PHACTR3: variants seen among roughly 807,000 people sequenced by gnomAD.
The protein encoded by PHACTR3 is protein phosphatase 1, regulatory subunit 123.
In PHACTR3, 16 loss-of-function variants were observed where a neutral mutation model predicts 66.8. The observed-to-expected ratio is 0.24, with a 90% CI of 0.16 to 0.36. PHACTR3 has a LOEUF of 0.36. Ranked by LOEUF, PHACTR3 falls within the 10% of genes least tolerant of loss-of-function variation. The pLI, the probability that PHACTR3 is intolerant of heterozygous loss-of-function variation, is 1.00. For synonymous variants in PHACTR3, 323 were observed against 292.1 expected, an observed-to-expected ratio of 1.11 and a Z score of -1.08; for missense variants, 647 against 719.9, an observed-to-expected ratio of 0.90 and a Z score of 1.16.
intron 5 of PHACTR3, among the ~76,000 whole-genome samples, chr20:59,769,610 T>C (rs1321404296): frequency 6.6e-6 from 1 of 152,186 alleles, no homozygotes; most frequent in Non-Finnish European, 1.5e-5. Flanking sequence ...ATGGTTTGCC[T>C]CTCTCTAACC....
chr20:59,805,949 G>C, intron 7 of PHACTR3, 92 bp from the exon 8 acceptor site: 1 of 1,381,210 alleles, frequency 7.2e-7, no homozygotes, highest in East Asian at 2.3e-5. Flanking sequence ...CCTTCCTCTG[G>C]CAGGTGGGCG....
At chr20:59,677,542 A>G (rs952916802) in intron 1 of PHACTR3, among the ~76,000 whole-genome samples, 2 of 152,238 alleles carry the variant, frequency 1.3e-5, no homozygotes, top group African/African-American at 4.8e-5. Context: ...TCTTGGAAGC[A>G]ACATTGGTTT....
chr20:59,720,183 G>A (rs190826044), intron 1 of PHACTR3, among the ~76,000 whole-genome samples: 29 of 152,286 alleles, frequency 1.9e-4, no homozygotes, highest in Non-Finnish European at 3.5e-4. Context: ...TCTCGAGCAG[G>A]CTAGCATATC....
intron 1 of PHACTR3, among the ~76,000 whole-genome samples, chr20:59,742,024 GTGC>G (rs1237367685): frequency 6.6e-6 from 1 of 152,210 alleles, no homozygotes; most frequent in African/African-American, 2.4e-5. Flanking sequence ...GCCTCCCAAA[GTGC>G]TGGGATTATA....
At chr20:59,809,482 CTTCT>C (rs1305974994) in intron 8 of PHACTR3, among the ~76,000 whole-genome samples, 3 of 152,110 alleles carry the variant, frequency 2.0e-5, no homozygotes, top group African/African-American at 7.2e-5. Context: ...TTTTTGGTTT[CTTCT>C]TTATGTACTT....
chr20:59,626,222 A>C (rs963983495), intron 1 of PHACTR3, among the ~76,000 whole-genome samples: 5 of 152,212 alleles, frequency 3.3e-5, no homozygotes, highest in African/African-American at 1.2e-4. Context: ...ATAGCTATAT[A>C]TGGCAGGTTG....
chr20:59,740,226 A>C (rs867944846), intron 1 of PHACTR3, among the ~76,000 whole-genome samples: 1 of 152,128 alleles, frequency 6.6e-6, no homozygotes, highest in Non-Finnish European at 1.5e-5. Flanking sequence ...CATATAGATA[A>C]TATTATTTTA....
chr20:59,695,903 C>A (rs1056105887), intron 1 of PHACTR3, among the ~76,000 whole-genome samples: 2 of 151,958 alleles, frequency 1.3e-5, no homozygotes, highest in Non-Finnish European at 1.5e-5. Flanking sequence ...CAGCTAATTT[C>A]TGTATGTTTA....
intron 1 of PHACTR3, among the ~76,000 whole-genome samples, chr20:59,708,176 A>G (rs1018697335): frequency 6.6e-6 from 1 of 152,178 alleles, no homozygotes; most frequent in African/African-American, 2.4e-5. Context: ...AGCTCCATCC[A>G]AGCCAATGGA....
chr20:59,803,050 G>A (rs185411871), intron 7 of PHACTR3, among the ~76,000 whole-genome samples: 83 of 152,290 alleles, frequency 5.5e-4, no homozygotes, highest in African/African-American at 1.9e-3. Flanking sequence ...GTGTTTCAGG[G>A]AACACAAGAT....
chr20:59,782,238 T>G (rs932635504), intron 7 of PHACTR3, among the ~76,000 whole-genome samples: 3 of 152,208 alleles, frequency 2.0e-5, no homozygotes, highest in African/African-American at 7.2e-5. Flanking sequence ...TTTTTCATTT[T>G]GTTTTGCTTT....
chr20:59,636,122 T>C (rs1353573224), intron 1 of PHACTR3, among the ~76,000 whole-genome samples: 2 of 152,262 alleles, frequency 1.3e-5, no homozygotes, highest in Non-Finnish European at 2.9e-5. Flanking sequence ...TTCATCACTT[T>C]TATGTATTTA....
chr20:59,731,062 G>A (rs186094300), intron 1 of PHACTR3, among the ~76,000 whole-genome samples: 9 of 152,160 alleles, frequency 5.9e-5, no homozygotes, highest in African/African-American at 2.2e-4. Context: ...ATTGACTTTT[G>A]TTTTTCTTTA....
At chr20:59,682,897 G>A (rs1292976155) in intron 1 of PHACTR3, among the ~76,000 whole-genome samples, 1 of 152,176 alleles carries the variant, frequency 6.6e-6, no homozygotes, top group Admixed American at 6.5e-5. Context: ...CCAGCACTTG[G>A]GCTTTTGCTC....
At chr20:59,772,386 C>G (rs1226732585) in intron 5 of PHACTR3, among the ~76,000 whole-genome samples, 1 of 152,208 alleles carries the variant, frequency 6.6e-6, no homozygotes, top group African/African-American at 2.4e-5. Context: ...AAGGTGGACA[C>G]AGGCCTGCCC....
At chr20:59,753,313 C>T (rs1329592257) in intron 3 of PHACTR3, among the ~76,000 whole-genome samples, 1 of 152,164 alleles carries the variant, frequency 6.6e-6, no homozygotes, top group Non-Finnish European at 1.5e-5. Flanking sequence ...AGCCCTAAAT[C>T]TCCAGACTTC....
intron 8 of PHACTR3, among the ~76,000 whole-genome samples, chr20:59,810,253 CCCT>C (rs2041696512): frequency 6.6e-6 from 1 of 152,238 alleles, no homozygotes; most frequent in African/African-American, 2.4e-5. Context: ...CCAAACGCCC[CCCT>C]ATGTAAGAAG....
chr20:59,746,005 G>A (rs984428425), intron 2 of PHACTR3, among the ~76,000 whole-genome samples: 1 of 152,216 alleles, frequency 6.6e-6, no homozygotes, highest in Non-Finnish European at 1.5e-5. Flanking sequence ...CTCCACCCCT[G>A]TTCTTCTTAT....
At chr20:59,832,329 G>A (rs1343336323) in intron 8 of PHACTR3, among the ~76,000 whole-genome samples, 4 of 152,230 alleles carry the variant, frequency 2.6e-5, no homozygotes, top group Non-Finnish European at 5.9e-5. Flanking sequence ...AGTTAGCATA[G>A]CTTCAGGTAG....
Sources: gnomAD v4.1 joint callset for allele counts (sites outside exome capture counted in the v4.1 genomes callset) on GRCh38, gnomAD v4.1.1 for gene constraint, MANE v1.5 for transcripts, NCBI Gene and HGNC (gene_info 2026-07-23, HGNC 2026-07-21) for gene names.